Variants in ICA1L observed in about 807,000 individuals in gnomAD.
The protein encoded by ICA1L is islet cell autoantigen 1 like, also known as islet cell autoantigen 1-like protein.
A neutral mutation model predicts 61.3 loss-of-function variants in ICA1L; 50 were observed. That is an observed-to-expected ratio of 0.82 (90% CI 0.65 to 1.03). The LOEUF is 1.03. Among genes scored for constraint, ICA1L ranks in the 50% least tolerant of loss-of-function variants. The pLI is 0.00. For missense variants in ICA1L, 508 were observed against 556.7 expected, an observed-to-expected ratio of 0.91 and a Z score of 0.88; for synonymous variants, 161 against 191.3, an observed-to-expected ratio of 0.84 and a Z score of 1.31.
At chr2:202,818,151 A>G (rs886848867) in intron 5 of ICA1L, among the ~76,000 whole-genome samples, 1 of 152,226 alleles carries the variant, frequency 6.6e-6, no homozygotes, top group Admixed American at 6.5e-5. Flanking sequence ...AGGGAGGCAC[A>G]GGAAAAAAAA....
At chr2:202,864,627 ATGTGTG>A (rs566451955) in intron 1 of ICA1L, among the ~76,000 whole-genome samples, 4 of 150,286 alleles carry the variant, frequency 2.7e-5, no homozygotes, top group African/African-American at 7.3e-5. Flanking sequence ...GTATATATAT[ATGTGTG>A]TGTGTGTGTG....
chr2:202,812,562 G>A (rs1693408442), intron 8 of ICA1L, among the ~76,000 whole-genome samples: 1 of 151,770 alleles, frequency 6.6e-6, no homozygotes, highest in East Asian at 1.9e-4. Context: ...GGGTGACAGG[G>A]CAAGACTCCG....
At chr2:202,785,815 G>T in intron 12 of ICA1L, 103 bp downstream of exon 12, 1 of 610,164 alleles carries the variant, frequency 1.6e-6, no homozygotes, top group Non-Finnish European at 2.8e-6. Flanking sequence ...AACTTTTTCA[G>T]GACAATGAGG....
At chr2:202,818,246 C>T (rs1693594196) in intron 5 of ICA1L, among the ~76,000 whole-genome samples, 1 of 152,122 alleles carries the variant, frequency 6.6e-6, no homozygotes, top group Non-Finnish European at 1.5e-5. Context: ...TTGGTGAGAT[C>T]ATGCATGATG....
chr2:202,821,053 T>C (rs1693688415), intron 4 of ICA1L, among the ~76,000 whole-genome samples: 1 of 152,240 alleles, frequency 6.6e-6, no homozygotes, highest in South Asian at 2.1e-4. Context: ...CTGTGACTGT[T>C]ACATTAAACC....
At chr2:202,825,589 T>C in intron 3 of ICA1L, 106 bp downstream of exon 3, 1 of 1,302,428 alleles carries the variant, frequency 7.7e-7, no homozygotes, top group Non-Finnish European at 1.0e-6. Flanking sequence ...TATTTTGCCA[T>C]AAGAAGCTAT....
chr2:202,817,003 A>T (rs1028727380), intron 6 of ICA1L, among the ~76,000 whole-genome samples: 7 of 152,204 alleles, frequency 4.6e-5, no homozygotes, highest in Admixed American at 2.0e-4. Context: ...TAATTCTCAT[A>T]GGTGTCACTT....
chr2:202,861,508 A>G lies in ICA1L; in HGVS notation c.-8+10111T>C, dbSNP rs150233534. Among the ~76,000 whole-genome samples, 55 of 152,038 alleles carry G rather than the reference A, an allele frequency of 3.6e-4. 1 individual carries two copies. Among genetic ancestry groups the G allele is most frequent in the Admixed American group, 8.5e-4 (13 of 15,260 alleles). On this transcript the variant is annotated intron_variant, in intron 1 of 12. Coordinates refer to ENST00000358299, the MANE Select transcript of ICA1L (RefSeq NM_001288622.3). Reference sequence around the variant, plus strand: ...GAAAAAAAAATAACCTGACAGAACTAAAAGGAGAAACTGTCAAATTTACAA... The same window carrying G: ...GAAAAAAAAATAACCTGACAGAACTGAAAGGAGAAACTGTCAAATTTACAA...
chr2:202,808,033 C>T (rs1693272117), intron 9 of ICA1L, among the ~76,000 whole-genome samples: 1 of 152,108 alleles, frequency 6.6e-6, no homozygotes, highest in Non-Finnish European at 1.5e-5. Flanking sequence ...CAGGTGTGAC[C>T]CAGTGCATTC....
At chr2:202,823,600 C>G (rs1188581001) in intron 3 of ICA1L, among the ~76,000 whole-genome samples, 4 of 152,116 alleles carry the variant, frequency 2.6e-5, no homozygotes, top group African/African-American at 9.7e-5. Context: ...CCTTTATCCT[C>G]CCATTAGTTT....
At chr2:202,809,818 A>G (rs1437946590) in intron 9 of ICA1L, among the ~76,000 whole-genome samples, 1 of 152,154 alleles carries the variant, frequency 6.6e-6, no homozygotes, top group African/African-American at 2.4e-5. Flanking sequence ...AGAATAAAAA[A>G]CAATGAAGCA....
intron 4 of ICA1L, among the ~76,000 whole-genome samples, chr2:202,820,965 T>G (rs950123186): frequency 4.6e-5 from 7 of 152,198 alleles, no homozygotes; most frequent in African/African-American, 1.7e-4. Flanking sequence ...TTTCTTCTAC[T>G]TAAAAAGTAC....
intron 1 of ICA1L, among the ~76,000 whole-genome samples, chr2:202,847,822 A>T (rs1165306752): frequency 6.6e-6 from 1 of 151,228 alleles, no homozygotes; most frequent in African/African-American, 2.4e-5. Flanking sequence ...AAAAACATGG[A>T]ATCAACCTAG....
intron 1 of ICA1L, chr2:202,860,303 T>TAATAATAAC (rs1258866191): frequency 2.0e-5 from 3 of 148,246 alleles, no homozygotes; most frequent in Non-Finnish European, 3.0e-5. Context: ...ATAATGATAA[T>TAATAATAAC]AATAATAAAT....
intron 1 of ICA1L, among the ~76,000 whole-genome samples, chr2:202,838,046 GTT>G (rs1201734264): frequency 6.6e-6 from 1 of 152,014 alleles, no homozygotes; most frequent in Non-Finnish European, 1.5e-5. Context: ...GTAAGGCGGG[GTT>G]TCACCATGTT....
At chr2:202,853,600 A>C (rs1694691928) in intron 1 of ICA1L, among the ~76,000 whole-genome samples, 2 of 152,084 alleles carry the variant, frequency 1.3e-5, no homozygotes, top group Admixed American at 6.6e-5. Flanking sequence ...AATTTTTGCA[A>C]TCTACTCATC....
chr2:202,852,934 C>T (rs939826004), intron 1 of ICA1L, among the ~76,000 whole-genome samples: 1 of 151,616 alleles, frequency 6.6e-6, no homozygotes, highest in Non-Finnish European at 1.5e-5. Context: ...CGTTGACAAA[C>T]CTGACAAGAA....
intron 10 of ICA1L, among the ~76,000 whole-genome samples, chr2:202,796,343 C>T (rs1317025765): frequency 1.3e-5 from 2 of 152,088 alleles, no homozygotes; most frequent in African/African-American, 4.8e-5. Flanking sequence ...GAAACAAAGT[C>T]ACAAGACAAA....
chr2:202,784,604 G>A (rs1338557146), intron 12 of ICA1L, among the ~76,000 whole-genome samples: 2 of 152,152 alleles, frequency 1.3e-5, no homozygotes, highest in African/African-American at 2.4e-5. Context: ...CAGATAACCA[G>A]TTGTGTTGTA....
Sources: gnomAD v4.1 joint callset for allele counts (sites outside exome capture counted in the v4.1 genomes callset) on GRCh38, gnomAD v4.1.1 for gene constraint, MANE v1.5 for transcripts, NCBI Gene and HGNC (gene_info 2026-07-23, HGNC 2026-07-21) for gene names.